The following UBE2QL1 variants were observed in gnomAD, a reference collection of about 807,000 sequenced individuals.
The protein encoded by UBE2QL1 is ubiquitin-conjugating enzyme E2Q-like protein 1.
Under a neutral mutation model 12.6 loss-of-function variants are expected in UBE2QL1, and 5 were observed. The ratio of observed to expected loss-of-function variants is 0.40; its 90% CI spans 0.21 to 0.83. The LOEUF is 0.83. Ranked by LOEUF, UBE2QL1 falls within the 40% of genes least tolerant of loss-of-function variation. The pLI, the probability that UBE2QL1 is intolerant of heterozygous loss-of-function variation, is 0.37. For synonymous variants in UBE2QL1, 96 were observed against 94.5 expected, an observed-to-expected ratio of 1.02 and a Z score of -0.10; for missense variants, 99 against 222.6, an observed-to-expected ratio of 0.44 and a Z score of 3.53.
At chr5:6,468,348 T>A (rs1739840018) in intron 1 of UBE2QL1, among the ~76,000 whole-genome samples, 1 of 151,790 alleles carries the variant, frequency 6.6e-6, no homozygotes, top group Non-Finnish European at 1.5e-5. Context: ...GCGGGGTGGG[T>A]GAAGGGATGC....
chr5:6,490,879 CG>C, intron 1 of UBE2QL1, among the ~76,000 whole-genome samples: 1 of 152,242 alleles, frequency 6.6e-6, no homozygotes, highest in Admixed American at 6.5e-5. Context: ...TTGGTAAGGC[CG>C]TCCCCTCCTG....
intron 1 of UBE2QL1, among the ~76,000 whole-genome samples, chr5:6,469,397 A>T (rs1739859575): frequency 6.7e-6 from 1 of 149,508 alleles, no homozygotes; most frequent in African/African-American, 2.4e-5. Flanking sequence ...TCTATATTTT[A>T]TATATTTATA....
chr5:6,473,688 C>T (rs772446447), intron 1 of UBE2QL1, among the ~76,000 whole-genome samples: 2 of 152,274 alleles, frequency 1.3e-5, no homozygotes, highest in Non-Finnish European at 2.9e-5. Flanking sequence ...ATCCCAGTGA[C>T]GCAGAAAACC....
At chr5:6,449,338 C>T (rs771164056) in intron 1 of UBE2QL1, 91 bp downstream of exon 1, 2 of 1,179,678 alleles carry the variant, frequency 1.7e-6, no homozygotes, top group Non-Finnish European at 2.1e-6. Flanking sequence ...AGGGCCAGCG[C>T]CGGCCCCTCC....
At chr5:6,457,367 A>G (rs2657021) in intron 1 of UBE2QL1, among the ~76,000 whole-genome samples, 43,983 of 151,842 alleles carry the variant, frequency 0.29, 6,985 homozygotes, top group East Asian at 0.52. Context: ...TCTGAACTGC[A>G]GAGGAGGAAG....
At chr5:6,474,510 C>T (rs1340691555) in intron 1 of UBE2QL1, among the ~76,000 whole-genome samples, 1 of 152,216 alleles carries the variant, frequency 6.6e-6, no homozygotes, top group Non-Finnish European at 1.5e-5. Context: ...GTTACTTGCT[C>T]CTTCATTCTT....
intron 1 of UBE2QL1, among the ~76,000 whole-genome samples, chr5:6,452,008 C>A (rs184198634): frequency 6.6e-6 from 1 of 152,222 alleles, no homozygotes; most frequent in South Asian, 2.1e-4. Flanking sequence ...TGATACTTCT[C>A]GGGATTTCTT....
intron 1 of UBE2QL1, among the ~76,000 whole-genome samples, chr5:6,483,092 A>G (rs990030867): frequency 3.3e-5 from 5 of 152,214 alleles, no homozygotes; most frequent in Admixed American, 2.6e-4. Flanking sequence ...TGCTTACTGT[A>G]TTCTGTACAC....
intron 1 of UBE2QL1, among the ~76,000 whole-genome samples, chr5:6,490,194 C>A (rs1278288623): frequency 1.3e-5 from 2 of 152,200 alleles, no homozygotes; most frequent in Non-Finnish European, 2.9e-5. Context: ...CATTAAGAGG[C>A]TTAATGAAGA....
intron 1 of UBE2QL1, among the ~76,000 whole-genome samples, chr5:6,465,116 A>T (rs1739758582): frequency 6.6e-6 from 1 of 151,640 alleles, no homozygotes; most frequent in South Asian, 2.1e-4. Flanking sequence ...CCTCCCGAGT[A>T]TCTGGGACCA....
chr5:6,453,691 AC>A (rs1428703487), intron 1 of UBE2QL1, among the ~76,000 whole-genome samples: 1 of 137,396 alleles, frequency 7.3e-6, no homozygotes, highest in Non-Finnish European at 1.6e-5. Flanking sequence ...ACTGGGAAGC[AC>A]AAGTGCACAC....
rs1055739811 is a variant in UBE2QL1 at position 6,481,997 on chromosome 5, C to T, written c.355-9221C>T. 2.8e-4 allele frequency among the ~76,000 whole-genome samples: 43 copies of T among 152,290 alleles called. No individual in the cohort carries two copies. Among genetic ancestry groups the T allele is most frequent in the Middle Eastern group, 6.8e-3 (2 of 294 alleles). On this transcript the variant is annotated intron_variant, in intron 1 of 1. Coordinates refer to ENST00000399816, the MANE Select transcript of UBE2QL1 (RefSeq NM_001145161.3). The surrounding 1 kb of genome is among the most constrained non-coding windows in gnomAD (Gnocchi z 4.5). The stretch of plus-strand genomic sequence containing the variant: ...ATGTGACCTTATTTGAAAATAGGGC[C>T]TTTGCAGAAGTCATTGAGTTGAGAG...
chr5:6,491,216 A>G lies in UBE2QL1; in HGVS notation c.355-2A>G. On this transcript the variant is annotated splice_acceptor_variant, in intron 1 of 1. Coordinates refer to ENST00000399816, the MANE Select transcript of UBE2QL1 (RefSeq NM_001145161.3). LOFTEE classifies it high-confidence loss of function. ...CCTGGTTTTTCTTCTCATCTCACGC[A>G]GGGACGGATCTGTAGAAAAGCTGGC... is the stretch of plus-strand genomic sequence containing the variant. 6.5e-7 allele frequency: 1 copy of G among 1,543,848 alleles called. No individual in the cohort carries two copies. The highest frequency in any genetic ancestry group is 8.7e-7 in the Non-Finnish European group (1 of 1,144,306).
intron 1 of UBE2QL1, among the ~76,000 whole-genome samples, chr5:6,488,868 T>C (rs944950134): frequency 6.6e-6 from 1 of 152,174 alleles, no homozygotes; most frequent in Non-Finnish European, 1.5e-5. Flanking sequence ...TGTGTTTTCA[T>C]ATGTTTAATA....
In UBE2QL1 at chr5:6,481,153, G is replaced by A. The variant is rs191616694; in HGVS notation, c.355-10065G>A. Among the ~76,000 whole-genome samples, 114 of 152,222 alleles carry A rather than the reference G, an allele frequency of 7.5e-4. No individual in the cohort carries two copies. Among genetic ancestry groups the A allele is most frequent in the African/African-American group, 2.6e-3 (109 of 41,516 alleles). On this transcript the variant is annotated intron_variant, in intron 1 of 1. Transcript: ENST00000399816. This position sits in a 1 kb window ranked among gnomAD's most constrained non-coding sequence, Gnocchi z 4.5. ...TTCTCGGGCCATTTCACCTGTGCAC[G>A]CTTCGTTGTGGCTGCACCTGCCCTA...
At chr5:6,458,545 G>A (rs886668906) in intron 1 of UBE2QL1, among the ~76,000 whole-genome samples, 5 of 152,080 alleles carry the variant, frequency 3.3e-5, no homozygotes, top group African/African-American at 9.7e-5. Flanking sequence ...TTTGCCTTAC[G>A]GATCAATATG....
At chr5:6,456,998 C>T (rs1739540723) in intron 1 of UBE2QL1, among the ~76,000 whole-genome samples, 1 of 151,742 alleles carries the variant, frequency 6.6e-6, no homozygotes, top group Non-Finnish European at 1.5e-5. Context: ...CTCGTGGGTG[C>T]CTGTCCTCTG....
intron 1 of UBE2QL1, among the ~76,000 whole-genome samples, chr5:6,477,624 A>G (rs1734263595): frequency 6.6e-6 from 1 of 152,236 alleles, no homozygotes. Flanking sequence ...ATCTTACAAC[A>G]TCCACATGGA....
At chr5:6,491,159 G>A (rs1734560445) in intron 1 of UBE2QL1, 59 bp from the exon 2 acceptor site, 2 of 1,466,582 alleles carry the variant, frequency 1.4e-6, no homozygotes, top group African/African-American at 2.9e-5. Context: ...TAATAAAGAT[G>A]GTAGGAAACA....
Sources: allele counts gnomAD v4.1 joint callset (sites outside exome capture counted in the v4.1 genomes callset), GRCh38; gene constraint gnomAD v4.1.1; non-coding constraint Gnocchi (gnomAD v3.1); transcripts MANE v1.5; gene names NCBI Gene and HGNC (gene_info 2026-07-23, HGNC 2026-07-21).